Variants in MIR2052HG observed in about 807,000 individuals in gnomAD.
MIR2052HG encodes the protein MIR2052 host gene.
chr8:74,715,144 A>G (rs1282638140), intron 4 of MIR2052HG, among the ~76,000 whole-genome samples: 1 of 152,256 alleles, frequency 6.6e-6, no homozygotes, highest in African/African-American at 2.4e-5. Flanking sequence ...AGGAAAGAAT[A>G]TGACCTTCAC....
At position 74,666,821 on chromosome 8, in the gene MIR2052HG, A is replaced by G. The variant is rs984005613; in HGVS notation, n.217-35558A>G. 2.6e-5 allele frequency among the ~76,000 whole-genome samples: 4 copies of G among 152,172 alleles called. No homozygotes were observed. The South Asian group carries it at 8.3e-4, about 32-fold the overall frequency. On this transcript the variant is annotated intron_variant and non_coding_transcript_variant, in intron 2 of 6. Coordinates refer to ENST00000523442, the Ensembl canonical transcript of MIR2052HG. ...TATAATGAAACTATAAAACCTTTGT[A>G]TTGCCTCTCATGGTCCTGCGTGTCT...
At chr8:74,638,305 A>G (rs543993698) in intron 2 of MIR2052HG, among the ~76,000 whole-genome samples, 3 of 152,306 alleles carry the variant, frequency 2.0e-5, no homozygotes, top group African/African-American at 7.2e-5. Flanking sequence ...AATGAGAGCT[A>G]GAAGGGGCCA....
intron 2 of MIR2052HG, among the ~76,000 whole-genome samples, chr8:74,666,677 T>A (rs1375605906): frequency 6.6e-6 from 1 of 152,176 alleles, no homozygotes. Flanking sequence ...AAAGTTATAT[T>A]TATTTAAAAA....
chr8:74,721,735 C>G (rs572586006), intron 4 of MIR2052HG, among the ~76,000 whole-genome samples: 2 of 152,310 alleles, frequency 1.3e-5, no homozygotes, highest in East Asian at 3.9e-4. Context: ...GTATTTTGAT[C>G]AGAGCAAGTC....
intron 1 of MIR2052HG, among the ~76,000 whole-genome samples, chr8:74,610,857 T>G (rs983717460): frequency 1.3e-5 from 2 of 151,804 alleles, no homozygotes; most frequent in Non-Finnish European, 2.9e-5. Flanking sequence ...TCAAAAGAAA[T>G]TATAGACCAA....
rs940052573 is a variant in MIR2052HG at position 74,602,873 on chromosome 8, C to CTTTCTTTCTTTCTTTCTTTT, written n.128+2968_128+2969insCTTTCTTTCTTTCTTTTTTT. Among the ~76,000 whole-genome samples the CTTTCTTTCTTTCTTTCTTTT allele has an allele frequency of 3.2e-3, 448 of 138,708 alleles. 15 individuals are homozygous for CTTTCTTTCTTTCTTTCTTTT. Among genetic ancestry groups the CTTTCTTTCTTTCTTTCTTTT allele is most frequent in the African/African-American group, 0.012 (427 of 36,630 alleles). 91.0% of individuals were successfully genotyped at this position (138,708 alleles called of 152,430 possible). ...TCTTTCTTTCTTTCTTTCTTTCTTT[C>CTTTCTTTCTTTCTTTCTTTT]TTTTTTCTATTCACAAAGAAAAAGC... is the stretch of plus-strand genomic sequence containing the variant. On this transcript the variant is annotated intron_variant and non_coding_transcript_variant, in intron 1 of 6. Coordinates refer to ENST00000523442, the Ensembl canonical transcript of MIR2052HG.
chr8:74,637,030 T>A (rs1274996577), intron 2 of MIR2052HG, among the ~76,000 whole-genome samples: 3 of 152,052 alleles, frequency 2.0e-5, no homozygotes, highest in Non-Finnish European at 2.9e-5. Context: ...ATTAGGCACA[T>A]CAAAAGCAAA....
chr8:74,747,931 G>A (rs1809903483), intron 4 of MIR2052HG, among the ~76,000 whole-genome samples: 1 of 152,160 alleles, frequency 6.6e-6, no homozygotes, highest in African/African-American at 2.4e-5. Context: ...GTTACCACTT[G>A]AGATGATCCA....
chr8:74,648,720 T>C (rs1304153777), intron 2 of MIR2052HG, among the ~76,000 whole-genome samples: 2 of 152,204 alleles, frequency 1.3e-5, no homozygotes, highest in Non-Finnish European at 1.5e-5. Context: ...TGGGGGCTGG[T>C]TCCCCCGATA....
intron 2 of MIR2052HG, among the ~76,000 whole-genome samples, chr8:74,646,908 A>G (rs1808694350): frequency 6.6e-6 from 1 of 151,454 alleles, no homozygotes; most frequent in Non-Finnish European, 1.5e-5. Flanking sequence ...AGTCTGGGTA[A>G]CAGAGTGAAA....
At chr8:74,702,033 C>A (rs1383431821) in intron 2 of MIR2052HG, among the ~76,000 whole-genome samples, 1 of 151,956 alleles carries the variant, frequency 6.6e-6, no homozygotes, top group Non-Finnish European at 1.5e-5. Context: ...TCCAGGATGC[C>A]AGAACGGGTG....
intron 2 of MIR2052HG, among the ~76,000 whole-genome samples, chr8:74,675,298 A>G (rs1017953178): frequency 3.3e-5 from 5 of 152,094 alleles, no homozygotes; most frequent in Non-Finnish European, 5.9e-5. Context: ...TGATGGTTGC[A>G]TCTGTGCTGA....
At chr8:74,736,641 C>T (rs1390577086) in intron 4 of MIR2052HG, among the ~76,000 whole-genome samples, 1 of 152,174 alleles carries the variant, frequency 6.6e-6, no homozygotes, top group Admixed American at 6.6e-5. Context: ...GCCCAAGAGT[C>T]CCATAGCTGA....
In MIR2052HG at chr8:74,602,817, G is replaced by GTTTCTTTCTTTCTTTCTTTCCTTC. The variant is rs1554570016; in HGVS notation, n.128+2929_128+2930insCTTCTTTCTTTCTTTCTTTCTTTC. On this transcript the variant is annotated intron_variant and non_coding_transcript_variant, in intron 1 of 6. Coordinates refer to ENST00000523442, the Ensembl canonical transcript of MIR2052HG. The stretch of plus-strand genomic sequence containing the variant: ...GATGTGAGCTGCCATGCCCGGCCGT[G>GTTTCTTTCTTTCTTTCTTTCCTTC]TTTCTTTCTTTCTTTCTTTCTTTCT... 9.7e-3 allele frequency among the ~76,000 whole-genome samples: 717 copies of GTTTCTTTCTTTCTTTCTTTCCTTC among 73,840 alleles called. 31 individuals carry two copies. Among genetic ancestry groups the GTTTCTTTCTTTCTTTCTTTCCTTC allele is most frequent in the Middle Eastern group, 0.03 (5 of 168 alleles). The allele number at this position is 73,840 out of a possible 152,430, so 48.4% of individuals were successfully genotyped here.
chr8:74,626,299 C>G (rs1311679032), intron 2 of MIR2052HG, among the ~76,000 whole-genome samples: 1 of 152,172 alleles, frequency 6.6e-6, no homozygotes, highest in African/African-American at 2.4e-5. Flanking sequence ...AATATTTTGC[C>G]TCATTTCCTA....
intron 2 of MIR2052HG, among the ~76,000 whole-genome samples, chr8:74,659,231 C>A (rs1808836983): frequency 6.6e-6 from 1 of 152,090 alleles, no homozygotes; most frequent in South Asian, 2.1e-4. Context: ...TCTTGGACAA[C>A]AAATAATTTT....
At chr8:74,658,384 G>A (rs868602532) in intron 2 of MIR2052HG, among the ~76,000 whole-genome samples, 3 of 146,622 alleles carry the variant, frequency 2.0e-5, no homozygotes, top group Admixed American at 6.7e-5. Context: ...TCTTTCTCTC[G>A]CTCTCTTTTT....
chr8:74,701,931 T>C (rs947725399), intron 2 of MIR2052HG, among the ~76,000 whole-genome samples: 5 of 152,088 alleles, frequency 3.3e-5, no homozygotes, highest in African/African-American at 1.2e-4. Context: ...TAATTACCAC[T>C]TGTGGTTACC....
At chr8:74,748,462 C>T (rs911144993) in intron 4 of MIR2052HG, among the ~76,000 whole-genome samples, 1 of 152,152 alleles carries the variant, frequency 6.6e-6, no homozygotes, top group Admixed American at 6.5e-5. Flanking sequence ...ATGCAATATA[C>T]GTGTCCAAGG....
Sources: allele counts gnomAD v4.1 joint callset (sites outside exome capture counted in the v4.1 genomes callset), GRCh38; gene constraint gnomAD v4.1.1; transcripts MANE v1.5; gene names NCBI Gene and HGNC (gene_info 2026-07-23, HGNC 2026-07-21).